AMMECR1: variants seen among roughly 807,000 people sequenced by gnomAD.
AMMECR1 encodes AMMECR nuclear protein 1, also known as nuclear protein AMMECR1.
A neutral mutation model predicts 22.5 loss-of-function variants in AMMECR1; 3 were observed. The ratio of observed to expected loss-of-function variants is 0.13; its 90% CI spans 0.06 to 0.35. AMMECR1 has a LOEUF of 0.35. Ranked by LOEUF, AMMECR1 falls within the 10% of genes least tolerant of loss-of-function variation. The pLI is 1.00. For synonymous variants in AMMECR1, 130 were observed against 116.7 expected, an observed-to-expected ratio of 1.11 and a Z score of -0.74; for missense variants, 235 against 278.7, an observed-to-expected ratio of 0.84 and a Z score of 1.12.
chrX:110,329,750 G>C lies in AMMECR1; in HGVS notation c.-147-11901C>G, dbSNP rs2068113144. Among the ~76,000 whole-genome samples, 3 of 111,798 alleles carry C rather than the reference G, an allele frequency of 2.7e-5. No homozygotes were observed. In the South Asian group the frequency reaches 1.1e-3, roughly 41 times the overall value. On this transcript the variant is annotated intron_variant, in intron 2 of 7. Coordinates refer to the AMMECR1 transcript ENST00000372057. ...CAAACAACCACAGATTGTCTACCTG[G>C]GTTGCTGAAATAATGACACCTTTGC...
At chrX:110,284,290 G>A (rs1192315054) in intron 1 of AMMECR1, among the ~76,000 whole-genome samples, 1 of 111,820 alleles carries the variant, frequency 8.9e-6, no homozygotes, top group Non-Finnish European at 1.9e-5. Flanking sequence ...AACTCTGAAG[G>A]CAAGAAATCA....
intron 2 of AMMECR1, among the ~76,000 whole-genome samples, chrX:110,327,218 C>G (rs901096343): frequency 3.6e-5 from 4 of 111,372 alleles, no homozygotes; most frequent in African/African-American, 1.3e-4. Context: ...GTATTAGAAG[C>G]CATGGTCTGG....
At position 110,197,178 on chromosome X, in the gene AMMECR1, C is replaced by G. The variant is rs2067374854; in HGVS notation, c.*1342G>C. ...GAGCTGGGCTCTAACTATAGCATATCTGAATGCCAACTCCATTTTCACAGG... is the reference window on the plus strand; with the variant it reads ...GAGCTGGGCTCTAACTATAGCATATGTGAATGCCAACTCCATTTTCACAGG... On this transcript the variant is annotated 3_prime_UTR_variant, in exon 6 of 6. Coordinates refer to ENST00000262844, the MANE Select transcript of AMMECR1 (RefSeq NM_015365.3). The G allele has an allele frequency of 8.9e-6, 1 of 112,010 alleles. No homozygotes were observed. The highest frequency in any genetic ancestry group is 9.4e-5 in the Admixed American group (1 of 10,584). 9.2% of individuals were successfully genotyped at this position (112,010 alleles called of 1,213,427 possible). A position where few individuals can be genotyped will look rare whatever the true frequency, so the allele number is the denominator to read the frequency against.
At chrX:110,413,317 G>C (rs1332107034) in intron 2 of AMMECR1, among the ~76,000 whole-genome samples, 4 of 111,396 alleles carry the variant, frequency 3.6e-5, no homozygotes, top group Non-Finnish European at 5.7e-5. Context: ...TTTGCCACCA[G>C]CGCCCTCTAG....
chrX:110,373,696 T>G lies in AMMECR1; in HGVS notation c.-148+52962A>C, dbSNP rs1442707735. 2.7e-5 allele frequency among the ~76,000 whole-genome samples: 3 copies of G among 112,182 alleles called. No individual in the cohort carries two copies. In the East Asian group the frequency reaches 8.3e-4, roughly 31 times the overall value. ...CTCATCTTTTTGTAGCCCTCATGTA[T>G]GAAAGAACTTTAAAATGTTGTATGT... On this transcript the variant is annotated intron_variant, in intron 2 of 7. Transcript: ENST00000372057.
chrX:110,241,185 G>A (rs1452354170), intron 2 of AMMECR1, among the ~76,000 whole-genome samples: 1 of 110,857 alleles, frequency 9.0e-6, no homozygotes, highest in Admixed American at 9.6e-5. Context: ...AGAAGCAAGA[G>A]CAAACAAATT....
intron 2 of AMMECR1, among the ~76,000 whole-genome samples, chrX:110,364,035 T>A (rs1253783885): frequency 9.0e-6 from 1 of 111,632 alleles, no homozygotes; most frequent in Non-Finnish European, 1.9e-5. Context: ...TATTTATACT[T>A]TCACAGTTCT....
At chrX:110,284,264 C>G (rs1229279888) in intron 1 of AMMECR1, among the ~76,000 whole-genome samples, 1 of 112,309 alleles carries the variant, frequency 8.9e-6, no homozygotes, top group African/African-American at 3.2e-5. Flanking sequence ...AGTAAGGCAT[C>G]AAACTTCAGA....
At chrX:110,261,703 G>T (rs778505708) in intron 2 of AMMECR1, among the ~76,000 whole-genome samples, 1 of 111,416 alleles carries the variant, frequency 9.0e-6, no homozygotes, top group Admixed American at 9.5e-5. Context: ...CAAAATTTCA[G>T]TCTTAACTCC....
chrX:110,380,839 A>T (rs1010227834), intron 2 of AMMECR1, among the ~76,000 whole-genome samples: 1 of 112,538 alleles, frequency 8.9e-6, no homozygotes, highest in Non-Finnish European at 1.9e-5. Context: ...AAAATAAGCA[A>T]CAGGGACAGG....
chrX:110,215,447 A>C (rs2067468930), intron 3 of AMMECR1, among the ~76,000 whole-genome samples: 1 of 112,127 alleles, frequency 8.9e-6, no homozygotes, highest in Admixed American at 9.5e-5. Flanking sequence ...AATCAGGGCA[A>C]AGCCAAAATT....
At chrX:110,382,267 A>G (rs1040866881) in intron 2 of AMMECR1, among the ~76,000 whole-genome samples, 3 of 110,385 alleles carry the variant, frequency 2.7e-5, no homozygotes, top group Admixed American at 9.7e-5. Context: ...AAAGAGCACA[A>G]TGGGTCATGA....
intron 2 of AMMECR1, among the ~76,000 whole-genome samples, chrX:110,361,456 G>C (rs1027639751): frequency 3.6e-5 from 4 of 110,981 alleles, no homozygotes; most frequent in Admixed American, 1.9e-4. Flanking sequence ...TTGGAACCAG[G>C]ATAATTTTAT....
chrX:110,287,139 G>T (rs2067884503), intron 1 of AMMECR1, among the ~76,000 whole-genome samples: 1 of 112,009 alleles, frequency 8.9e-6, no homozygotes, highest in African/African-American at 3.2e-5. Flanking sequence ...CAGAATTCAA[G>T]AGTAGGGTGT....
intron 1 of AMMECR1, among the ~76,000 whole-genome samples, chrX:110,303,772 C>A (rs1468135729): frequency 8.9e-6 from 1 of 112,409 alleles, no homozygotes; most frequent in Non-Finnish European, 1.9e-5. Context: ...ATAGAGAACA[C>A]TGTTAGTGAG....
At chrX:110,333,952 G>T (rs1483511393) in intron 2 of AMMECR1, among the ~76,000 whole-genome samples, 5 of 111,127 alleles carry the variant, frequency 4.5e-5, no homozygotes, top group African/African-American at 1.6e-4. Context: ...TTCTGCACAT[G>T]TACCCCAGAA....
rs183494143 is a variant in AMMECR1, at chrX:110,407,713, G to T, written c.-148+18945C>A. 2.0e-3 allele frequency among the ~76,000 whole-genome samples: 222 copies of T among 112,307 alleles called. No individual in the cohort carries two copies. The Middle Eastern group carries it at 0.037, about 19-fold the overall frequency. On this transcript the variant is annotated intron_variant, in intron 2 of 7. Transcript: ENST00000372057. Reference sequence around the variant, plus strand: ...AGGGAGCTGTGCTGGCTTCTCAAATGGTTTGGGGCTATCTGTGTGAGGCTG... The same window carrying T: ...AGGGAGCTGTGCTGGCTTCTCAAATTGTTTGGGGCTATCTGTGTGAGGCTG...
intron 2 of AMMECR1, among the ~76,000 whole-genome samples, chrX:110,381,082 A>G (rs2068415266): frequency 8.9e-6 from 1 of 112,256 alleles, no homozygotes; most frequent in Non-Finnish European, 1.9e-5. Flanking sequence ...AAAACCAAAA[A>G]TTGACAGGTG....
Position 110,385,801 on chromosome X carries a change from G to A in AMMECR1, c.-148+40857C>T, listed in dbSNP as rs750538452. 9.9e-5 allele frequency among the ~76,000 whole-genome samples: 11 copies of A among 111,070 alleles called. No individual in the cohort carries two copies. In the East Asian group the frequency reaches 2.5e-3, roughly 26 times the overall value. Reference sequence around the variant, plus strand: ...GTGAGCATCCAATAGGTAGTTTTTCGGGCCTTGTCCACCTCCCTTCCTCCC... The same window carrying A: ...GTGAGCATCCAATAGGTAGTTTTTCAGGCCTTGTCCACCTCCCTTCCTCCC... On this transcript the variant is annotated intron_variant, in intron 2 of 7. Transcript: ENST00000372057.
Sources: allele counts gnomAD v4.1 joint callset (sites outside exome capture counted in the v4.1 genomes callset), GRCh38; gene constraint gnomAD v4.1.1; transcripts MANE v1.5; gene names NCBI Gene and HGNC (gene_info 2026-07-23, HGNC 2026-07-21).